Variants in SMAD5 observed in about 807,000 individuals in gnomAD.
SMAD5 encodes MAD, mothers against decapentaplegic homolog 5.
SMAD5 carries 9 observed loss-of-function variants against 43.1 expected under a neutral mutation model. The observed-to-expected ratio is 0.21, with a 90% CI of 0.13 to 0.36. The LOEUF (loss-of-function observed/expected upper bound fraction) is 0.36. SMAD5 is among the 10% of genes least tolerant of loss of function. The pLI is 1.00. For missense variants in SMAD5, 348 were observed against 574.0 expected (o/e 0.61, Z 4.02); for synonymous variants, 190 against 192.4 (o/e 0.99, Z 0.10).
chr5:136,176,743 A>AT (rs1561660601), intron 7 of SMAD5, among the ~76,000 whole-genome samples: 1 of 152,094 alleles, frequency 6.6e-6, no homozygotes, highest in Non-Finnish European at 1.5e-5. Context: ...CTATTCATAA[A>AT]TTTTACATCT....
At chr5:136,152,115 G>A (rs1753490378) in intron 2 of SMAD5, among the ~76,000 whole-genome samples, 1 of 152,094 alleles carries the variant, frequency 6.6e-6, no homozygotes, top group African/African-American at 2.4e-5. Context: ...ACATAAGGAG[G>A]ATATCTTTAC....
chr5:136,177,270 T>C (rs1369448386), intron 7 of SMAD5, 67 bp from the exon 8 acceptor site: 1 of 1,387,804 alleles, frequency 7.2e-7, no homozygotes, highest in Non-Finnish European at 1.0e-6. Context: ...TTTCTTATGG[T>C]AAAATTGGTT....
chr5:136,172,814 A>G (rs1754276299), intron 6 of SMAD5, 159 bp downstream of exon 6: 2 of 604,280 alleles, frequency 3.3e-6, no homozygotes, highest in Non-Finnish European at 5.9e-6. Context: ...TCAAATAAAG[A>G]CATGATGTTC....
chr5:136,142,720 CTG>C (rs1417144293), intron 1 of SMAD5, among the ~76,000 whole-genome samples: 1 of 152,110 alleles, frequency 6.6e-6, no homozygotes, highest in African/African-American at 2.4e-5. Context: ...ACCTTCCTGT[CTG>C]TTCAATTATT....
At chr5:136,163,456 T>C (rs1217176829) in intron 5 of SMAD5, 65 bp downstream of exon 5, 2 of 1,328,302 alleles carry the variant, frequency 1.5e-6, no homozygotes, top group Non-Finnish European at 2.0e-6. Context: ...TGGCTACTTT[T>C]TTAAAAACAG....
At chr5:136,134,868 G>A (rs531331813) in intron 1 of SMAD5, 24 of 151,942 alleles carry the variant, frequency 1.6e-4, no homozygotes, top group Admixed American at 1.5e-3. Context: ...TCATCATTTT[G>A]TGCTTCCATT....
chr5:136,135,556 C>G (rs1400285232), intron 1 of SMAD5, among the ~76,000 whole-genome samples: 1 of 152,064 alleles, frequency 6.6e-6, no homozygotes, highest in Admixed American at 6.5e-5. Flanking sequence ...TTTTTCATTT[C>G]TTAATACAGT....
rs772508972 is a variant in SMAD5 at position 136,161,092 on chromosome 5, C to A, written c.640C>A (p.Pro214Thr). ...CCCAGCAAGTTCTGGACCAGGAAGT[C>A]CATTTCAGCTCCCAGGTAAGACTTT... Reference protein sequence around the residue: ...NSPASSGPGSPFQLPADTPPP... With the variant: ...NSPASSGPGSTFQLPADTPPP... The change falls in exon 4 of 8, where the codon CCA (proline) becomes ACA (threonine). Residue 214 changes from proline to threonine, a missense_variant. This residue lies in a region of SMAD5 where 185 missense variants were observed against 207.0 expected (regional missense o/e 0.89). Coordinates refer to ENST00000545279, the MANE Select transcript of SMAD5 (RefSeq NM_005903.7). 2 of 1,613,542 alleles carry A rather than the reference C, an allele frequency of 1.2e-6. No individual in the cohort carries two copies. The highest frequency in any genetic ancestry group is 4.5e-5 in the East Asian group (2 of 44,872).
intron 3 of SMAD5, 110 bp downstream of exon 3, chr5:136,154,273 T>C (rs773768459): frequency 4.3e-6 from 3 of 692,100 alleles, no homozygotes; most frequent in Non-Finnish European, 6.6e-6. Flanking sequence ...GCTTTGTGTT[T>C]CCATCTTAAA....
In SMAD5 at chr5:136,180,160, C is replaced by T. The variant is rs1200845458; in HGVS notation, c.*2680C>T. ...TTCAGTCCAGCTATTCTTACAGTCC[C>T]TAAGGATTTTCATATATCTATGTAT... On this transcript the variant is annotated 3_prime_UTR_variant, in exon 8 of 8. Coordinates refer to ENST00000545279, the MANE Select transcript of SMAD5 (RefSeq NM_005903.7). 1 of 152,088 alleles carries T rather than the reference C, an allele frequency of 6.6e-6. No individual in the cohort carries two copies. The highest frequency in any genetic ancestry group is 1.5e-5 in the Non-Finnish European group (1 of 67,978). The allele number at this position is 152,088 out of a possible 1,614,324, so 9.4% of individuals were successfully genotyped here. A position where few individuals can be genotyped will look rare whatever the true frequency, so the allele number is the denominator to read the frequency against.
At chr5:136,150,511 T>G (rs895720454) in intron 2 of SMAD5, among the ~76,000 whole-genome samples, 8 of 151,918 alleles carry the variant, frequency 5.3e-5, no homozygotes, top group Admixed American at 2.0e-4. Context: ...ATGATATTAT[T>G]TATGACTTAT....
Position 136,174,357 on chromosome 5 carries a change from T to C in SMAD5, c.998-19T>C. The C allele has an allele frequency of 5.0e-6, 8 of 1,607,960 alleles. No homozygotes were observed. Among genetic ancestry groups the C allele is most frequent in the Non-Finnish European group, 6.8e-6 (8 of 1,174,726 alleles). ...TAATGATTCTTTTAGCTGACTCTTG[T>C]GATGTTTGTCTTTTTAAGGTGTTCA... On this transcript the variant is annotated intron_variant, in intron 6 of 7. Coordinates refer to ENST00000545279, the MANE Select transcript of SMAD5 (RefSeq NM_005903.7).
intron 1 of SMAD5, chr5:136,133,416 T>C (rs1259889641): frequency 6.6e-6 from 1 of 152,568 alleles, no homozygotes; most frequent in African/African-American, 2.4e-5. Flanking sequence ...GTCCAATGGC[T>C]TGATGAATCC....
chr5:136,177,359 G>A lies in SMAD5; in HGVS notation c.1277G>A (p.Arg426Gln). 1 of 1,613,520 alleles carries A rather than the reference G, an allele frequency of 6.2e-7. No homozygotes were observed. Among genetic ancestry groups the A allele is most frequent in the Non-Finnish European group, 8.5e-7 (1 of 1,179,656 alleles). ...FVKGWGAEYH[R>Q]QDVTSTPCWI... Reference sequence around the variant, plus strand: ...TAGGGTTGGGGAGCAGAATATCACCGGCAGGATGTAACCAGCACCCCATGT... The same window carrying A: ...TAGGGTTGGGGAGCAGAATATCACCAGCAGGATGTAACCAGCACCCCATGT... Residue 426 changes from arginine to glutamine, a missense_variant, in exon 8 of 8, where the codon CGG becomes CAG. Physicochemically the swap from Arg to Gln is conservative, Grantham distance 43. Coordinates refer to ENST00000545279, the MANE Select transcript of SMAD5 (RefSeq NM_005903.7).
In SMAD5 at chr5:136,173,574, A is replaced by AT. The variant is rs1339382647; in HGVS notation, c.998-792dup. 3.7e-3 allele frequency among the ~76,000 whole-genome samples: 562 copies of AT among 150,014 alleles called. 8 individuals carry two copies. The highest frequency in any genetic ancestry group is 0.013 in the African/African-American group (515 of 40,952). On this transcript the variant is annotated intron_variant, in intron 6 of 7. Coordinates refer to ENST00000545279, the MANE Select transcript of SMAD5 (RefSeq NM_005903.7). ...TGAAGTGCCTCACTTCTAGGCATTGATTTTTTTTTTCTTCCATCACAGTAG... is the reference window on the plus strand; with the variant it reads ...TGAAGTGCCTCACTTCTAGGCATTGATTTTTTTTTTTCTTCCATCACAGTAG...
At chr5:136,144,273 T>C (rs1753187634) in intron 1 of SMAD5, among the ~76,000 whole-genome samples, 1 of 152,054 alleles carries the variant, frequency 6.6e-6, no homozygotes, top group African/African-American at 2.4e-5. Context: ...TTTGTGTTTT[T>C]CTTTTATGAT....
chr5:136,140,082 G>A (rs1180318936), intron 1 of SMAD5, among the ~76,000 whole-genome samples: 2 of 150,912 alleles, frequency 1.3e-5, no homozygotes, highest in East Asian at 1.9e-4. Context: ...GAGTGCAGTG[G>A]TATGATCTTG....
At chr5:136,161,547 T>C (rs1753825489) in intron 4 of SMAD5, among the ~76,000 whole-genome samples, 1 of 152,276 alleles carries the variant, frequency 6.6e-6, no homozygotes, top group Admixed American at 6.5e-5. Flanking sequence ...CAGGTTTGTC[T>C]AACTCTAAAG....
chr5:136,134,705 A>G (rs904983355), intron 1 of SMAD5: 1 of 152,234 alleles, frequency 6.6e-6, no homozygotes, highest in Non-Finnish European at 1.5e-5. Context: ...TGTAGATACT[A>G]TGTTTAGATT....
Sources: gnomAD v4.1 joint callset for allele counts (sites outside exome capture counted in the v4.1 genomes callset) on GRCh38, gnomAD v4.1.1 for gene constraint, gnomAD v4.1.1 regional missense constraint, MANE v1.5 for transcripts, NCBI Gene and HGNC (gene_info 2026-07-23, HGNC 2026-07-21) for gene names.